The following FOXO1 variants were observed in gnomAD, a reference collection of about 807,000 sequenced individuals.
FOXO1 encodes the protein forkhead box protein O1.
A neutral mutation model predicts 44.1 loss-of-function variants in FOXO1; 6 were observed. The ratio of observed to expected loss-of-function variants is 0.14; its 90% confidence interval spans 0.07 to 0.27. The LOEUF is 0.27. Ranked by LOEUF, FOXO1 falls within the 10% of genes least tolerant of loss-of-function variation. FOXO1 has a pLI of 1.00. For missense variants in FOXO1, 737 were observed against 888.8 expected, an observed-to-expected ratio of 0.83 and a Z score of 2.17; for synonymous variants, 380 against 362.7, an observed-to-expected ratio of 1.05 and a Z score of -0.54.
intron 1 of FOXO1, among the ~76,000 whole-genome samples, chr13:40,569,714 T>G (rs546526058): frequency 3.3e-5 from 5 of 152,324 alleles, no homozygotes; most frequent in African/African-American, 9.6e-5. Flanking sequence ...AACACGTGTG[T>G]CCAGGATGTT....
intron 1 of FOXO1, among the ~76,000 whole-genome samples, chr13:40,644,323 C>T (rs1472889632): frequency 6.6e-6 from 1 of 152,206 alleles, no homozygotes; most frequent in Non-Finnish European, 1.5e-5. Context: ...CCTCCTCTCA[C>T]CTCACCGCAC....
chr13:40,598,215 T>C (rs1416844457), intron 1 of FOXO1, among the ~76,000 whole-genome samples: 2 of 152,206 alleles, frequency 1.3e-5, no homozygotes, highest in African/African-American at 4.8e-5. Flanking sequence ...CCGGCGAAAC[T>C]GGCTCTTCAG....
chr13:40,647,260 CTAATTCTTT>C (rs1337518351), intron 1 of FOXO1, among the ~76,000 whole-genome samples: 1 of 152,210 alleles, frequency 6.6e-6, no homozygotes, highest in African/African-American at 2.4e-5. Flanking sequence ...ACCTCAAACC[CTAATTCTTT>C]TCTTAGCTCA....
At chr13:40,640,413 A>C (rs1054535978) in intron 1 of FOXO1, among the ~76,000 whole-genome samples, 1 of 152,220 alleles carries the variant, frequency 6.6e-6, no homozygotes. Flanking sequence ...GTATCGTCCA[A>C]AGCAAAACCA....
chr13:40,593,186 G>C (rs1019553565), intron 1 of FOXO1, among the ~76,000 whole-genome samples: 1 of 152,014 alleles, frequency 6.6e-6, no homozygotes, highest in African/African-American at 2.4e-5. Context: ...ACCACGCCTG[G>C]CTAATTTTTG....
intron 1 of FOXO1, among the ~76,000 whole-genome samples, chr13:40,633,282 A>T (rs920535268): frequency 2.6e-5 from 4 of 152,228 alleles, no homozygotes; most frequent in Non-Finnish European, 5.9e-5. Context: ...GAAATGAAAC[A>T]TACATATATG....
chr13:40,562,010 A>G (rs768842967), intron 1 of FOXO1, among the ~76,000 whole-genome samples: 3 of 152,140 alleles, frequency 2.0e-5, no homozygotes, highest in Non-Finnish European at 2.9e-5. Flanking sequence ...CCCCAAATTA[A>G]TAAGACTTGG....
In FOXO1 at chr13:40,560,685, C is replaced by T. The variant is rs749037020; in HGVS notation, c.806G>A (p.Arg269Gln). The change falls in exon 2 of 3, where the codon CGA becomes CAA. Residue 269 changes from arginine to glutamine, a missense_variant. Arg to Gln is a conservative substitution (Grantham distance 43). This residue lies in a region of FOXO1 where 136 missense variants were observed against 186.4 expected (regional missense o/e 0.73). Transcript: ENST00000379561. The surrounding 1 kb of genome is among the most constrained non-coding windows in gnomAD (Gnocchi z 5.1). Reference sequence around the variant, plus strand: ...GAGAGATGCTTTCTTCTTGGCAGCTCGGCTTCGGCTCTTAGCAAATTTACT... The same window carrying T: ...GAGAGATGCTTTCTTCTTGGCAGCTTGGCTTCGGCTCTTAGCAAATTTACT... ...NNSKFAKSRS[R>Q]AAKKKASLQS... 5 of 1,614,180 alleles carry T rather than the reference C, an allele frequency of 3.1e-6. No individual in the cohort carries two copies. Among genetic ancestry groups the T allele is most frequent in the African/African-American group, 1.3e-5 (1 of 75,046 alleles).
At chr13:40,585,372 C>CACACACAG (rs1339206632) in intron 1 of FOXO1, among the ~76,000 whole-genome samples, 3 of 151,866 alleles carry the variant, frequency 2.0e-5, no homozygotes, top group African/African-American at 7.3e-5. Context: ...CACACACACA[C>CACACACAG]AGCCAACTTC....
chr13:40,568,399 A>C (rs1373968904), intron 1 of FOXO1, among the ~76,000 whole-genome samples: 1 of 152,082 alleles, frequency 6.6e-6, no homozygotes, highest in African/African-American at 2.4e-5. Context: ...TCTCTTTTAC[A>C]CCAGCTCTTC....
intron 1 of FOXO1, among the ~76,000 whole-genome samples, chr13:40,612,973 G>C (rs770384242): frequency 6.6e-6 from 1 of 152,092 alleles, no homozygotes; most frequent in Non-Finnish European, 1.5e-5. Flanking sequence ...TTTAAAAGAG[G>C]AATGACCCAC....
chr13:40,591,648 T>C lies in FOXO1; in HGVS notation c.631-30788A>G, dbSNP rs185601159. ...CGCTTTAGACCATAAAGGCCAATTG[T>C]TTTATAATTTTACTAGTCTTGTTAC... On this transcript the variant is annotated intron_variant, in intron 1 of 2. Coordinates refer to ENST00000379561, the MANE Select transcript of FOXO1 (RefSeq NM_002015.4). 5.3e-5 allele frequency among the ~76,000 whole-genome samples: 8 copies of C among 152,298 alleles called. No individual in the cohort carries two copies. In the East Asian group the frequency reaches 1.5e-3, roughly 29 times the overall value.
intron 1 of FOXO1, among the ~76,000 whole-genome samples, chr13:40,595,176 G>A (rs1875529284): frequency 6.6e-6 from 1 of 152,220 alleles, no homozygotes; most frequent in South Asian, 2.1e-4. Flanking sequence ...GACTTTGCTA[G>A]AAATGCAAAA....
At chr13:40,621,171 G>A in intron 1 of FOXO1, 1 of 532,368 alleles carries the variant, frequency 1.9e-6, no homozygotes, top group South Asian at 1.8e-5. Context: ...TATTGATAGT[G>A]AACCAGGTAA....
At chr13:40,636,913 CT>C (rs1376153978) in intron 1 of FOXO1, among the ~76,000 whole-genome samples, 2 of 152,176 alleles carry the variant, frequency 1.3e-5, no homozygotes, top group Non-Finnish European at 2.9e-5. Context: ...GTGACTTTTC[CT>C]GAATACTATG....
rs149675484 is a variant in FOXO1, at chr13:40,559,842, G to A, written c.1649C>T (p.Ser550Leu). Reference protein sequence around the residue: ...PHTVSTMPHTSGMNRLTQVKT... With the variant: ...PHTVSTMPHTLGMNRLTQVKT... ...CACTTGGGTCAGGCGGTTCATACCC[G>A]AGGTGTGGGGCATGGTGCTTACCGT... Residue 550 changes from serine to leucine, a missense_variant, in exon 2 of 3, where the codon TCG (serine) becomes TTG (leucine). Physicochemically the swap from Ser to Leu is moderately radical, Grantham distance 145 (BLOSUM62 -2). This residue lies in a region of FOXO1 where 283 missense variants were observed against 278.1 expected (regional missense o/e 1.02). Transcript: ENST00000379561. 368 of 1,613,936 alleles carry A rather than the reference G, an allele frequency of 2.3e-4. No individual in the cohort carries two copies. Among genetic ancestry groups the A allele is most frequent in the Non-Finnish European group, 2.6e-4 (304 of 1,179,960 alleles).
At chr13:40,571,305 G>A (rs1874484240) in intron 1 of FOXO1, among the ~76,000 whole-genome samples, 1 of 152,016 alleles carries the variant, frequency 6.6e-6, no homozygotes, top group Non-Finnish European at 1.5e-5. Flanking sequence ...ACACTAACAT[G>A]GCACATGTAT....
intron 1 of FOXO1, among the ~76,000 whole-genome samples, chr13:40,605,412 T>A (rs1875958907): frequency 6.6e-6 from 1 of 152,168 alleles, no homozygotes; most frequent in Non-Finnish European, 1.5e-5. Flanking sequence ...CTAACAGTAT[T>A]ACCGTCAGCA....
At chr13:40,658,529 C>T (rs1877931534) in intron 1 of FOXO1, among the ~76,000 whole-genome samples, 1 of 152,070 alleles carries the variant, frequency 6.6e-6, no homozygotes. Context: ...ACTGGATACA[C>T]AAGGCAACAG....
Sources: gnomAD v4.1 joint callset for allele counts (sites outside exome capture counted in the v4.1 genomes callset) on GRCh38, gnomAD v4.1.1 for gene constraint, gnomAD v4.1.1 regional missense constraint, Gnocchi (gnomAD v3.1) non-coding constraint, MANE v1.5 for transcripts, NCBI Gene and HGNC (gene_info 2026-07-23, HGNC 2026-07-21) for gene names.